LTBP1: variants seen among roughly 807,000 people sequenced by gnomAD.
LTBP1 encodes latent-transforming growth factor beta-binding protein 1.
LTBP1 carries 129 observed loss-of-function variants against 207.6 expected under a neutral mutation model. That is an observed-to-expected ratio of 0.62 (90% CI 0.54 to 0.72). The LOEUF (loss-of-function observed/expected upper bound fraction) is 0.72, where lower values mean the gene tolerates loss of function less well. LTBP1 is among the 30% of genes least tolerant of loss of function. The pLI, the probability that LTBP1 is intolerant of heterozygous loss-of-function variation, is 0.00. For synonymous variants in LTBP1, 963 were observed against 833.7 expected (o/e 1.16, Z -2.67); for missense variants, 2,281 against 2,217.2 (o/e 1.03, Z -0.58).
chr2:33,013,787 T>G (rs1013677734), intron 2 of LTBP1, among the ~76,000 whole-genome samples: 6 of 152,178 alleles, frequency 3.9e-5, no homozygotes, highest in African/African-American at 1.4e-4. Flanking sequence ...TAACAACCAC[T>G]CCTGCTGAGC....
At chr2:33,313,007 A>C (rs1447643796) in intron 23 of LTBP1, among the ~76,000 whole-genome samples, 1 of 152,204 alleles carries the variant, frequency 6.6e-6, no homozygotes, top group Non-Finnish European at 1.5e-5. Context: ...GGATCTGAGG[A>C]CCAAAAGGAG....
At chr2:33,357,945 C>T (rs757262512) in intron 26 of LTBP1, among the ~76,000 whole-genome samples, 13 of 152,154 alleles carry the variant, frequency 8.5e-5, no homozygotes, top group Non-Finnish European at 1.6e-4. Context: ...ATGAACTAAA[C>T]TCATGTAGGA....
At chr2:33,188,236 C>T (rs12104955) in intron 6 of LTBP1, among the ~76,000 whole-genome samples, 66,742 of 151,726 alleles carry the variant, frequency 0.44, 15,348 homozygotes, top group Non-Finnish European at 0.5. Context: ...GCCTGGCCAA[C>T]GTGGTGAAAC....
At chr2:33,078,902 A>G (rs1572530448) in intron 3 of LTBP1, among the ~76,000 whole-genome samples, 1 of 110,630 alleles carries the variant, frequency 9.0e-6, no homozygotes, top group South Asian at 3.3e-4. Flanking sequence ...CTCTGTTGCC[A>G]GGCTGGAGTG....
intron 5 of LTBP1, among the ~76,000 whole-genome samples, chr2:33,158,350 A>G (rs2084176609): frequency 6.6e-6 from 1 of 152,132 alleles, no homozygotes; most frequent in Admixed American, 6.5e-5. Flanking sequence ...TAGAAGAAAT[A>G]TTCTATGTAA....
At chr2:33,224,304 A>G (rs914767263) in intron 9 of LTBP1, among the ~76,000 whole-genome samples, 2 of 152,154 alleles carry the variant, frequency 1.3e-5, no homozygotes, top group African/African-American at 4.8e-5. Flanking sequence ...GAGGGTCCTT[A>G]TTTATCCTTC....
chr2:33,048,187 G>T (rs1436956560), intron 3 of LTBP1, among the ~76,000 whole-genome samples: 2 of 152,168 alleles, frequency 1.3e-5, no homozygotes, highest in Non-Finnish European at 2.9e-5. Flanking sequence ...AGCAGAGGAG[G>T]ATTTCAGGCA....
At chr2:33,349,300 A>G (rs889613242) in intron 26 of LTBP1, among the ~76,000 whole-genome samples, 1 of 152,180 alleles carries the variant, frequency 6.6e-6, no homozygotes, top group African/African-American at 2.4e-5. Context: ...AAATAGAAAA[A>G]TTAGCCGGGA....
chr2:33,164,001 C>T (rs1358663413), intron 5 of LTBP1, among the ~76,000 whole-genome samples: 3 of 151,304 alleles, frequency 2.0e-5, no homozygotes. Flanking sequence ...TAGTAAAAGT[C>T]AGGGTGCACA....
At chr2:33,257,534 G>T (rs1256161975) in intron 12 of LTBP1, 23 bp downstream of exon 12, 2 of 1,572,928 alleles carry the variant, frequency 1.3e-6, no homozygotes, top group South Asian at 1.1e-5. Context: ...ATGGATCATG[G>T]ACTCTAGACA....
At chr2:32,969,430 A>G (rs985347543) in intron 2 of LTBP1, among the ~76,000 whole-genome samples, 1 of 151,758 alleles carries the variant, frequency 6.6e-6, no homozygotes, top group African/African-American at 2.4e-5. Context: ...CCTTTTTCCT[A>G]TCTCCACCCT....
rs758789771 is a variant in LTBP1 at position 33,188,761 on chromosome 2, A to G, written c.1611A>G (p.Thr537=). 2.5e-6 allele frequency: 4 copies of G among 1,613,938 alleles called. No homozygotes were observed. Among genetic ancestry groups the G allele is most frequent in the Admixed American group, 3.3e-5 (2 of 59,988 alleles). ...AGAAGACCCAGACCATACATTCCACATACTCCCACCAGCAGGTCATTCCTC... is the reference window on the plus strand; with the variant it reads ...AGAAGACCCAGACCATACATTCCACGTACTCCCACCAGCAGGTCATTCCTC... The part of the protein sequence containing the change: ...PVQKTQTIHS[T]YSHQQVIPHV... The change falls in exon 7 of 34, where the codon ACA becomes ACG. Residue 537 remains threonine, a synonymous_variant. Coordinates refer to ENST00000404816, the MANE Select transcript of LTBP1 (RefSeq NM_206943.4).
At chr2:33,129,161 C>CA (rs1180254060) in intron 4 of LTBP1, among the ~76,000 whole-genome samples, 7 of 152,196 alleles carry the variant, frequency 4.6e-5, no homozygotes, top group Admixed American at 2.0e-4. Context: ...GGAGAACGAG[C>CA]AAAAACAAAT....
At chr2:33,332,258 T>G (rs1161915110) in intron 24 of LTBP1, among the ~76,000 whole-genome samples, 1 of 149,258 alleles carries the variant, frequency 6.7e-6, no homozygotes, top group Non-Finnish European at 1.5e-5. Context: ...ATAAGCCAGG[T>G]GTGGTGGTGG....
intron 7 of LTBP1, among the ~76,000 whole-genome samples, chr2:33,211,982 C>T (rs1403440110): frequency 6.6e-6 from 1 of 152,172 alleles, no homozygotes; most frequent in Non-Finnish European, 1.5e-5. Flanking sequence ...TATGTGTTCC[C>T]AGTCAGGCCA....
At chr2:32,947,867 C>T (rs953423180) in intron 1 of LTBP1, 49 bp downstream of exon 1, 1 of 1,270,418 alleles carries the variant, frequency 7.9e-7, no homozygotes, top group Non-Finnish European at 1.0e-6. Context: ...CGCGCACCGC[C>T]CGCGGAGGGA....
intron 16 of LTBP1, among the ~76,000 whole-genome samples, chr2:33,274,128 A>G (rs536739140): frequency 2.0e-5 from 3 of 152,242 alleles, no homozygotes; most frequent in African/African-American, 7.2e-5. Context: ...ATACTGCAGT[A>G]AAGAATTACA....
At position 33,136,762 on chromosome 2, in the gene LTBP1, G is replaced by C. The variant is rs116083820; in HGVS notation, c.1201+1802G>C. Reference sequence around the variant, plus strand: ...TTTGAGAAACAGAGGAAGTCTACTTGTTGAAACACACCACACACTTTCCTT... The same window carrying C: ...TTTGAGAAACAGAGGAAGTCTACTTCTTGAAACACACCACACACTTTCCTT... On this transcript the variant is annotated intron_variant, in intron 5 of 33. Coordinates refer to ENST00000404816, the MANE Select transcript of LTBP1 (RefSeq NM_206943.4). Among the ~76,000 whole-genome samples, 509 of 152,242 alleles carry C rather than the reference G, an allele frequency of 3.3e-3. 2 individuals carry two copies. Among genetic ancestry groups the C allele is most frequent in the African/African-American group, 0.012 (497 of 41,538 alleles).
At chr2:33,395,890 G>A (rs2095353780) in intron 32 of LTBP1, among the ~76,000 whole-genome samples, 1 of 149,196 alleles carries the variant, frequency 6.7e-6, no homozygotes, top group Non-Finnish European at 1.5e-5. Context: ...AGGCCAGATA[G>A]AAAGTTCTAG....
Sources: allele counts gnomAD v4.1 joint callset (sites outside exome capture counted in the v4.1 genomes callset), GRCh38; gene constraint gnomAD v4.1.1; transcripts MANE v1.5; gene names NCBI Gene and HGNC (gene_info 2026-07-23, HGNC 2026-07-21).